ITPR3: variants seen among roughly 807,000 people sequenced by gnomAD.
ITPR3 encodes the protein inositol 1,4,5-trisphosphate-gated calcium channel ITPR3.
A neutral mutation model predicts 293.2 loss-of-function variants in ITPR3; 173 were observed. That is an observed-to-expected ratio of 0.59 (90% confidence interval 0.52 to 0.67). ITPR3 has a LOEUF of 0.67. Among genes scored for constraint, ITPR3 ranks in the 30% least tolerant of loss-of-function variants. The pLI, the probability that ITPR3 is intolerant of heterozygous loss-of-function variation, is 0.00. For missense variants in ITPR3, 2,796 were observed against 3,592.1 expected (o/e 0.78, Z 5.66); for synonymous variants, 1,295 against 1,444.4 (o/e 0.90, Z 2.35).
chr6:33,684,535 G>C lies in ITPR3; in HGVS notation c.5047-63G>C. 6.2e-7 allele frequency: 1 copy of C among 1,605,520 alleles called. No homozygotes were observed. The highest frequency in any genetic ancestry group is 8.5e-7 in the Non-Finnish European group (1 of 1,172,266). ...TACCCAGGGGCTCAGGGTCAAGCCC[G>C]TCAGGCCAGTGGTCAGTGGTGGGCT... On this transcript the variant is annotated intron_variant, in intron 37 of 57. Transcript: ENST00000605930. This position sits in a 1 kb window ranked among gnomAD's most constrained non-coding sequence, Gnocchi z 4.2.
In ITPR3 at chr6:33,685,681, C is replaced by T. The variant is rs149206085; in HGVS notation, c.5521C>T (p.Arg1841Cys). 470 of 1,597,668 alleles carry T rather than the reference C, an allele frequency of 2.9e-4. No homozygotes were observed. Among genetic ancestry groups the T allele is most frequent in the Non-Finnish European group, 3.7e-4 (430 of 1,170,130 alleles). The part of the protein sequence containing the change: ...ASFSIPGSSS[R>C]YSLGPSLRRG... ...CTTCTCGATACCTGGCTCCTCATCCCGCTACTCGCTGGGCCCCAGCCTGCG... is the reference window on the plus strand; with the variant it reads ...CTTCTCGATACCTGGCTCCTCATCCTGCTACTCGCTGGGCCCCAGCCTGCG... Residue 1841 changes from arginine to cysteine, a missense_variant, in exon 41 of 58, where the codon CGC (arginine) becomes TGC (cysteine). Around this residue, in one of 8 missense-constraint regions of ITPR3, gnomAD observed 704 missense variants for 797.5 expected, o/e 0.88. Coordinates refer to ENST00000605930, the MANE Select transcript of ITPR3 (RefSeq NM_002224.4).
At chr6:33,623,605 G>A (rs1268769601) in intron 1 of ITPR3, among the ~76,000 whole-genome samples, 1 of 151,962 alleles carries the variant, frequency 6.6e-6, no homozygotes, top group Admixed American at 6.6e-5. Flanking sequence ...GTGAACCACC[G>A]TGCCCTGCCT....
chr6:33,671,973 CCT>C, intron 21 of ITPR3, 54 bp from the exon 22 acceptor site: 1 of 1,494,576 alleles, frequency 6.7e-7, no homozygotes, highest in Non-Finnish European at 9.1e-7. Flanking sequence ...ACCAGGGACC[CCT>C]GTGTACAGCC....
At chr6:33,668,419 C>A in intron 16 of ITPR3, 96 bp from the exon 17 acceptor site, 2 of 1,510,634 alleles carry the variant, frequency 1.3e-6, no homozygotes, top group Non-Finnish European at 9.0e-7. Context: ...TCCAGGGTGG[C>A]GGTGCTGCCA....
At chr6:33,671,693 A>G (rs1764771472) in intron 21 of ITPR3, among the ~76,000 whole-genome samples, 1 of 152,240 alleles carries the variant, frequency 6.6e-6, no homozygotes, top group African/African-American at 2.4e-5. Flanking sequence ...AAAGGTGCCT[A>G]GAGCCTGGCA....
chr6:33,650,551 TG>T, intron 2 of ITPR3, among the ~76,000 whole-genome samples: 1 of 152,296 alleles, frequency 6.6e-6, no homozygotes, highest in Non-Finnish European at 1.5e-5. Flanking sequence ...GTCACTTGAA[TG>T]GGCTCAGCCA....
rs775883228 is a variant in ITPR3 at position 33,693,541 on chromosome 6, T to C, written c.7625-4T>C. ...GGTTTCATTCCCGCCCTCTGCACCC[T>C]CAGGTCTGGAGAGGGACAAGTTTGA... On this transcript the variant is annotated splice_region_variant and splice_polypyrimidine_tract_variant and intron_variant, in intron 55 of 57. Coordinates refer to ENST00000605930, the MANE Select transcript of ITPR3 (RefSeq NM_002224.4). The C allele has an allele frequency of 1.2e-6, 2 of 1,613,650 alleles. No individual in the cohort carries two copies. Among genetic ancestry groups the C allele is most frequent in the South Asian group, 2.2e-5 (2 of 91,060 alleles).
intron 28 of ITPR3, 45 bp from the exon 29 acceptor site, chr6:33,678,376 C>T: frequency 2.5e-6 from 4 of 1,602,104 alleles, no homozygotes; most frequent in Non-Finnish European, 3.4e-6. Context: ...GCCTCGCCTC[C>T]CTCCTTGGTG....
At position 33,675,820 on chromosome 6, in the gene ITPR3, C is replaced by G; in HGVS notation, c.3246C>G (p.Phe1082Leu). 18 of 1,587,164 alleles carry G rather than the reference C, an allele frequency of 1.1e-5. No individual in the cohort carries two copies. Among genetic ancestry groups the G allele is most frequent in the Non-Finnish European group, 1.5e-5 (18 of 1,166,892 alleles). The change falls in exon 25 of 58, where the codon TTC becomes TTG. Residue 1082 changes from phenylalanine (F) to leucine (L), a missense_variant. Phe to Leu is a conservative substitution (Grantham distance 22). Around this residue, in one of 8 missense-constraint regions of ITPR3, gnomAD observed 955 missense variants for 1,180.8 expected, o/e 0.81. Transcript: ENST00000605930. This position sits in a 1 kb window ranked among gnomAD's most constrained non-coding sequence, Gnocchi z 5.0. ...CCCTGCAGCTGCTCTTCAAGCACTTCAGCCAGCGCCAGGAGGCCATGCACA... is the reference window on the plus strand; with the variant it reads ...CCCTGCAGCTGCTCTTCAAGCACTTGAGCCAGCGCCAGGAGGCCATGCACA... ...SGALQLLFKH[F>L]SQRQEAMHTF...
chr6:33,647,579 CTCT>C (rs1234599892), intron 2 of ITPR3, among the ~76,000 whole-genome samples: 1 of 152,150 alleles, frequency 6.6e-6, no homozygotes, highest in Non-Finnish European at 1.5e-5. Context: ...AATTTGATTA[CTCT>C]TGGTACCTTA....
At chr6:33,680,262 C>A in intron 31 of ITPR3, 67 bp from the exon 32 acceptor site, 1 of 1,582,986 alleles carries the variant, frequency 6.3e-7, no homozygotes. Flanking sequence ...GGGACAGGAG[C>A]ATTGTGGCAG....
chr6:33,627,880 T>A (rs143338448), intron 1 of ITPR3, among the ~76,000 whole-genome samples: 12 of 152,040 alleles, frequency 7.9e-5, no homozygotes, highest in African/African-American at 2.7e-4. Context: ...GGAGAGGGGG[T>A]GGCGCGGGGT....
At chr6:33,689,164 C>T (rs529858185) in intron 49 of ITPR3, 74 bp from the exon 50 acceptor site, 78 of 1,531,286 alleles carry the variant, frequency 5.1e-5, no homozygotes, top group Middle Eastern at 1.7e-4. Flanking sequence ...GGTGGCTTTT[C>T]GGCACCTGTT....
intron 1 of ITPR3, among the ~76,000 whole-genome samples, chr6:33,628,080 G>C (rs1369929210): frequency 6.6e-6 from 1 of 152,236 alleles, no homozygotes; most frequent in Non-Finnish European, 1.5e-5. Flanking sequence ...GCGGTGGCTT[G>C]GGTTGGGGGT....
At position 33,680,426 on chromosome 6, in the gene ITPR3, T is replaced by C. The variant is rs1765040191; in HGVS notation, c.4322T>C (p.Phe1441Ser). The change falls in exon 32 of 58, where the codon TTT (phenylalanine) becomes TCT (serine). Residue 1441 changes from phenylalanine to serine, a missense_variant. Around this residue, in one of 8 missense-constraint regions of ITPR3, gnomAD observed 344 missense variants for 460.3 expected, o/e 0.75. Coordinates refer to ENST00000605930, the MANE Select transcript of ITPR3 (RefSeq NM_002224.4). ...IYTSNHIWTL[F>S]ENFTLDMARV... ...ACCAGCAACCACATCTGGACGCTCT[T>C]TGAGAACTTCACCCTGGACATGGCC... The C allele has an allele frequency of 6.2e-7, 1 of 1,613,598 alleles. No individual in the cohort carries two copies. The highest frequency in any genetic ancestry group is 8.5e-7 in the Non-Finnish European group (1 of 1,180,018).
chr6:33,625,345 T>C (rs1014854205), intron 1 of ITPR3, among the ~76,000 whole-genome samples: 4 of 152,148 alleles, frequency 2.6e-5, no homozygotes, highest in Admixed American at 2.0e-4. Context: ...TTCTTCTGCC[T>C]CAGCCTCCCG....
rs745553556 is a variant in ITPR3, at chr6:33,694,910, GTGA to G, written c.7786-11_7786-9del. ...GGGCCCACGCCTGCTTAACCCACTGGTGATGTTTTTCAGAACAAGAACCTGGAC... is the reference window on the plus strand; with the variant it reads ...GGGCCCACGCCTGCTTAACCCACTGGTGTTTTTCAGAACAAGAACCTGGAC... On this transcript the variant is annotated splice_polypyrimidine_tract_variant and intron_variant, in intron 56 of 57. Transcript: ENST00000605930. The G allele has an allele frequency of 6.2e-7, 1 of 1,613,950 alleles. No homozygotes were observed. The highest frequency in any genetic ancestry group is 1.3e-5 in the African/African-American group (1 of 74,922).
chr6:33,686,893 A>T (rs562112235), intron 43 of ITPR3, 116 bp from the exon 44 acceptor site: 1 of 829,692 alleles, frequency 1.2e-6, no homozygotes, highest in South Asian at 1.6e-5. Context: ...TGGGAAGGTC[A>T]TGGCACCTGA....
intron 1 of ITPR3, among the ~76,000 whole-genome samples, chr6:33,625,546 C>T (rs568924637): frequency 2.2e-4 from 34 of 152,242 alleles, no homozygotes; most frequent in African/African-American, 7.9e-4. Context: ...CTTATGAGTA[C>T]CCAGAGAGGT....
Sources: gnomAD v4.1 joint callset for allele counts (sites outside exome capture counted in the v4.1 genomes callset) on GRCh38, gnomAD v4.1.1 for gene constraint, gnomAD v4.1.1 regional missense constraint, Gnocchi (gnomAD v3.1) non-coding constraint, MANE v1.5 for transcripts, NCBI Gene and HGNC (gene_info 2026-07-23, HGNC 2026-07-21) for gene names.